Variants in PARD3B observed in about 807,000 individuals in gnomAD.
PARD3B encodes the protein partitioning defective 3 homolog B.
PARD3B carries 103 observed loss-of-function variants against 130.2 expected under a neutral mutation model. The ratio of observed to expected loss-of-function variants is 0.79; its 90% CI spans 0.67 to 0.93. The LOEUF is 0.93. Among genes scored for constraint, PARD3B ranks in the 40% least tolerant of loss-of-function variants. The probability of loss-of-function intolerance (pLI) is 0.00; values close to 1 mark genes in which losing one functional copy is unlikely to be tolerated. For synonymous variants in PARD3B, 583 were observed against 553.2 expected, an observed-to-expected ratio of 1.05 and a Z score of -0.76; for missense variants, 1,609 against 1,499.2, an observed-to-expected ratio of 1.07 and a Z score of -1.21.
At chr2:204,645,673 A>G (rs1420232507) in intron 1 of PARD3B, among the ~76,000 whole-genome samples, 1 of 152,076 alleles carries the variant, frequency 6.6e-6, no homozygotes, top group African/African-American at 2.4e-5. Flanking sequence ...CTTTCTACCT[A>G]AGTATTTCTT....
chr2:204,624,198 A>G (rs1209388515), intron 1 of PARD3B, among the ~76,000 whole-genome samples: 1 of 152,178 alleles, frequency 6.6e-6, no homozygotes, highest in Non-Finnish European at 1.5e-5. Flanking sequence ...AAGTTGTCAA[A>G]GGACTTGAAT....
chr2:205,587,153 A>C (rs905409349), intron 22 of PARD3B, among the ~76,000 whole-genome samples: 1 of 152,198 alleles, frequency 6.6e-6, no homozygotes, highest in Admixed American at 6.5e-5. Context: ...CTCTGATGCT[A>C]ATATAGAAAT....
intron 22 of PARD3B, among the ~76,000 whole-genome samples, chr2:205,581,140 T>A (rs2053948740): frequency 6.6e-6 from 1 of 151,406 alleles, no homozygotes; most frequent in African/African-American, 2.4e-5. Flanking sequence ...CCTCCCACGT[T>A]TATTCCAGCA....
At chr2:204,754,469 T>G (rs970407494) in intron 2 of PARD3B, among the ~76,000 whole-genome samples, 8 of 152,136 alleles carry the variant, frequency 5.3e-5, no homozygotes, top group African/African-American at 1.9e-4. Context: ...CCTCAGTTCC[T>G]TCATGTAGAA....
intron 11 of PARD3B, among the ~76,000 whole-genome samples, chr2:205,168,456 C>A (rs1193702333): frequency 6.6e-6 from 1 of 152,060 alleles, no homozygotes; most frequent in Non-Finnish European, 1.5e-5. Flanking sequence ...TAAATATTTA[C>A]TAGAATTTAA....
At position 205,285,007 on chromosome 2, in the gene PARD3B, T is replaced by TG. The variant is rs199751161; in HGVS notation, c.2186-15523_2186-15522insG. The stretch of plus-strand genomic sequence containing the variant: ...AGCACAAAACAGTTTTTTTTTTTTT[T>TG]TGTGGGAGTATTAGCAGTGAACCAA... On this transcript the variant is annotated intron_variant, in intron 16 of 22. Coordinates refer to ENST00000406610, the MANE Select transcript of PARD3B (RefSeq NM_001302769.2). 9.9e-3 allele frequency among the ~76,000 whole-genome samples: 1,507 copies of TG among 151,892 alleles called. 17 individuals are homozygous for TG. The highest frequency in any genetic ancestry group is 0.013 in the Non-Finnish European group (913 of 67,942).
intron 2 of PARD3B, among the ~76,000 whole-genome samples, chr2:204,771,651 T>C (rs1209886356): frequency 5.9e-5 from 9 of 152,056 alleles, no homozygotes; most frequent in Non-Finnish European, 1.2e-4. Context: ...CCTGCACATA[T>C]ACCCCCTGAA....
intron 22 of PARD3B, among the ~76,000 whole-genome samples, chr2:205,576,869 G>A (rs1273567137): frequency 6.6e-6 from 1 of 152,172 alleles, no homozygotes; most frequent in Non-Finnish European, 1.5e-5. Flanking sequence ...CATTGAATCT[G>A]TAGATCAAGT....
chr2:205,566,552 G>A (rs189766518), intron 22 of PARD3B, among the ~76,000 whole-genome samples: 1 of 152,272 alleles, frequency 6.6e-6, no homozygotes, highest in East Asian at 1.9e-4. Context: ...GAGAGGACTA[G>A]GTTTGGCAGG....
chr2:204,573,916 C>G (rs1010824703), intron 1 of PARD3B, among the ~76,000 whole-genome samples: 1 of 152,200 alleles, frequency 6.6e-6, no homozygotes, highest in African/African-American at 2.4e-5. Context: ...ACTTTCTTTA[C>G]TCCTCTTTAT....
intron 20 of PARD3B, among the ~76,000 whole-genome samples, chr2:205,486,168 T>G (rs2049434253): frequency 6.6e-6 from 1 of 152,202 alleles, no homozygotes; most frequent in Non-Finnish European, 1.5e-5. Context: ...ACCAGTTTAT[T>G]ATTTTCTATT....
intron 20 of PARD3B, among the ~76,000 whole-genome samples, chr2:205,494,948 T>G (rs2049869910): frequency 6.6e-6 from 1 of 152,182 alleles, no homozygotes; most frequent in Non-Finnish European, 1.5e-5. Context: ...AATGTTGTCT[T>G]TAGGACATCA....
chr2:204,547,341 G>C (rs2030055246), intron 1 of PARD3B, among the ~76,000 whole-genome samples: 1 of 152,046 alleles, frequency 6.6e-6, no homozygotes, highest in South Asian at 2.1e-4. Context: ...CTGGAGGAGA[G>C]TACAATGAAA....
Position 205,176,508 on chromosome 2 carries a change from A to G in PARD3B, c.1855A>G (p.Thr619Ala). ...TGAGAACTGTCAAAATGCTGTAACC[A>G]CCTCTAGGCGAAATGATAATAGTAT... The part of the protein sequence containing the change: ...CFENCQNAVT[T>A]SRRNDNSILH... Residue 619 changes from threonine (T) to alanine (A), a missense_variant, in exon 13 of 23, where the codon ACC becomes GCC. Physicochemically the swap from Thr to Ala is moderately conservative, Grantham distance 58 (BLOSUM62 0). Transcript: ENST00000406610. The surrounding 1 kb of genome is among the most constrained non-coding windows in gnomAD (Gnocchi z 5.3). The G allele has an allele frequency of 1.2e-6, 2 of 1,612,650 alleles. No individual in the cohort carries two copies. Among genetic ancestry groups the G allele is most frequent in the African/African-American group, 2.7e-5 (2 of 74,958 alleles).
At chr2:204,957,339 G>A (rs1365681657) in intron 2 of PARD3B, among the ~76,000 whole-genome samples, 2 of 152,128 alleles carry the variant, frequency 1.3e-5, no homozygotes, top group African/African-American at 2.4e-5. Flanking sequence ...TCAAGCAGAT[G>A]CATCTTTAAA....
At position 204,810,291 on chromosome 2, in the gene PARD3B, C is replaced by G. The variant is rs1009217515; in HGVS notation, c.222+124009C>G. On this transcript the variant is annotated intron_variant, in intron 2 of 22. Coordinates refer to ENST00000406610, the MANE Select transcript of PARD3B (RefSeq NM_001302769.2). ...AACTTCCCATACTATGTTGAATAGG[C>G]ATGATAAGATAGGGCATTCTTGTCT... is the stretch of plus-strand genomic sequence containing the variant. Among the ~76,000 whole-genome samples the G allele has an allele frequency of 2.0e-5, 3 of 152,106 alleles. No homozygotes were observed. The East Asian group carries it at 5.8e-4, about 29-fold the overall frequency.
At chr2:204,979,720 G>A (rs1476391123) in intron 3 of PARD3B, among the ~76,000 whole-genome samples, 2 of 152,084 alleles carry the variant, frequency 1.3e-5, no homozygotes, top group African/African-American at 4.8e-5. Context: ...TATAGCAATA[G>A]CCCCTCACAG....
In PARD3B at chr2:205,155,764, T is replaced by C. The variant is rs529879334; in HGVS notation, c.1435-2958T>C. ...CTAACTGGTGTGAGATGGTATCTCA[T>C]TGTGGTTTTGATTTGCATTTCTCTG... On this transcript the variant is annotated intron_variant, in intron 10 of 22. Transcript: ENST00000406610. Among the ~76,000 whole-genome samples the C allele has an allele frequency of 2.2e-4, 34 of 152,280 alleles. No individual in the cohort carries two copies. The South Asian group carries it at 7.0e-3, about 32-fold the overall frequency.
chr2:205,283,325 C>A (rs1222972146), intron 16 of PARD3B, among the ~76,000 whole-genome samples: 2 of 152,224 alleles, frequency 1.3e-5, no homozygotes, highest in Non-Finnish European at 1.5e-5. Flanking sequence ...ACTGTGTCTC[C>A]CAGGCTGGAG....
Sources: gnomAD v4.1 joint callset for allele counts (sites outside exome capture counted in the v4.1 genomes callset) on GRCh38, gnomAD v4.1.1 for gene constraint, Gnocchi (gnomAD v3.1) non-coding constraint, MANE v1.5 for transcripts, NCBI Gene and HGNC (gene_info 2026-07-23, HGNC 2026-07-21) for gene names.